The following DIPK1A variants were observed in gnomAD, a reference collection of about 807,000 sequenced individuals.
DIPK1A encodes the protein divergent protein kinase domain 1A.
Under a neutral mutation model 40.8 loss-of-function variants are expected in DIPK1A, and 27 were observed. The ratio of observed to expected loss-of-function variants is 0.66; its 90% CI spans 0.49 to 0.91. DIPK1A has a LOEUF of 0.91. DIPK1A is among the 40% of genes least tolerant of loss of function. The probability of loss-of-function intolerance (pLI) is 0.00; values close to 1 mark genes in which losing one functional copy is unlikely to be tolerated. For missense variants in DIPK1A, 412 were observed against 505.7 expected (o/e 0.81, Z 1.78); for synonymous variants, 166 against 171.3 (o/e 0.97, Z 0.24).
At chr1:92,860,646 A>AAAAAAAAGCCAGGGG (rs148916481) in intron 2 of DIPK1A, among the ~76,000 whole-genome samples, 1 of 105,212 alleles carries the variant, frequency 9.5e-6, no homozygotes, top group African/African-American at 3.7e-5. Context: ...AAAAAAAAAA[A>AAAAAAAAGCCAGGGG]TGGTGGTGTG....
intron 1 of DIPK1A, among the ~76,000 whole-genome samples, chr1:92,957,629 C>T (rs936408959): frequency 6.6e-6 from 1 of 152,046 alleles, no homozygotes; most frequent in Non-Finnish European, 1.5e-5. Flanking sequence ...GCTCCCTGCA[C>T]CAAAAAGCTG....
chr1:92,943,326 G>A (rs550611791), intron 1 of DIPK1A, among the ~76,000 whole-genome samples: 1 of 152,276 alleles, frequency 6.6e-6, no homozygotes, highest in South Asian at 2.1e-4. Flanking sequence ...CAACCTAAAA[G>A]GAGCTGGAAG....
chr1:92,918,693 G>A (rs1650150294), intron 1 of DIPK1A, among the ~76,000 whole-genome samples: 1 of 152,162 alleles, frequency 6.6e-6, no homozygotes. Context: ...TGCTTGGTAA[G>A]TGCTGTATCT....
chr1:92,880,800 G>A (rs183841682), intron 1 of DIPK1A, among the ~76,000 whole-genome samples: 157 of 152,204 alleles, frequency 1.0e-3, no homozygotes, highest in African/African-American at 3.6e-3. Context: ...AACTCGGGAG[G>A]CAGAGGTTGC....
chr1:92,839,231 C>T (rs1687252736), downstream of DIPK1A, among the ~76,000 whole-genome samples: 1 of 152,014 alleles, frequency 6.6e-6, no homozygotes, highest in Admixed American at 6.6e-5. Context: ...TGGTGGCTCA[C>T]TCCTGTAATC....
chr1:92,872,833 G>GT (rs1411466334), intron 2 of DIPK1A, among the ~76,000 whole-genome samples: 1 of 152,164 alleles, frequency 6.6e-6, no homozygotes, highest in African/African-American at 2.4e-5. Context: ...ACTCTAATCT[G>GT]TATCTTGTGA....
chr1:92,835,660 C>CA (rs11417383), intron 4 of DIPK1A, among the ~76,000 whole-genome samples: 98,791 of 123,318 alleles, frequency 0.8, 39,608 homozygotes, highest in South Asian at 0.9. Flanking sequence ...AACTGTGTCT[C>CA]AAAAAAAAAA....
chr1:92,932,638 T>C (rs930045679), intron 1 of DIPK1A: 2 of 152,118 alleles, frequency 1.3e-5, no homozygotes, highest in African/African-American at 4.8e-5. Flanking sequence ...TTTAGAAAAT[T>C]ATTTGTCAGA....
chr1:92,927,039 T>C (rs1650541609), intron 1 of DIPK1A, among the ~76,000 whole-genome samples: 1 of 152,190 alleles, frequency 6.6e-6, no homozygotes, highest in Admixed American at 6.5e-5. Context: ...ATTTGTCTCA[T>C]CTGTTTGCTG....
chr1:92,914,774 G>GAAAA (rs112356216), intron 1 of DIPK1A, among the ~76,000 whole-genome samples: 2 of 129,596 alleles, frequency 1.5e-5, no homozygotes, highest in Non-Finnish European at 3.3e-5. Flanking sequence ...GTCTCAAAAA[G>GAAAA]AAAAAAAAAA....
intron 2 of DIPK1A, among the ~76,000 whole-genome samples, chr1:92,853,619 T>C (rs1687891789): frequency 6.6e-6 from 1 of 152,206 alleles, no homozygotes; most frequent in Non-Finnish European, 1.5e-5. Flanking sequence ...GATTAAATAG[T>C]GTAAGTATAG....
At chr1:92,910,339 G>A (rs993497133) in intron 1 of DIPK1A, among the ~76,000 whole-genome samples, 15 of 152,158 alleles carry the variant, frequency 9.9e-5, no homozygotes, top group African/African-American at 3.1e-4. Context: ...TTAATTGTAC[G>A]TTGCCAGGAT....
intron 1 of DIPK1A, chr1:92,931,971 T>C (rs1650766069): frequency 2.5e-6 from 1 of 395,312 alleles, no homozygotes; most frequent in Admixed American, 3.1e-5. Flanking sequence ...AAGTACTTGC[T>C]AACAGATAGA....
chr1:92,913,769 GT>G (rs1188372479), intron 1 of DIPK1A, among the ~76,000 whole-genome samples: 1 of 152,120 alleles, frequency 6.6e-6, no homozygotes, highest in Non-Finnish European at 1.5e-5. Context: ...CTCTCTGCCT[GT>G]CTCCTCTGAT....
intron 1 of DIPK1A, among the ~76,000 whole-genome samples, chr1:92,959,992 G>T (rs553149882): frequency 2.9e-5 from 4 of 137,670 alleles, no homozygotes; most frequent in Admixed American, 1.6e-4. Context: ...CAGAGCTCAA[G>T]GAATCAGCCC....
intron 1 of DIPK1A, among the ~76,000 whole-genome samples, chr1:92,948,129 T>C (rs1651444657): frequency 6.6e-6 from 1 of 152,230 alleles, no homozygotes; most frequent in South Asian, 2.1e-4. Flanking sequence ...TCATTATACT[T>C]ACATGGAGAC....
chr1:92,903,076 A>G (rs1417484970), intron 1 of DIPK1A, among the ~76,000 whole-genome samples: 1 of 152,136 alleles, frequency 6.6e-6, no homozygotes, highest in African/African-American at 2.4e-5. Context: ...ATTTTTTGAA[A>G]CAGGATCTCA....
intron 1 of DIPK1A, among the ~76,000 whole-genome samples, chr1:92,951,418 T>C (rs1260350516): frequency 6.6e-6 from 1 of 152,176 alleles, no homozygotes; most frequent in Non-Finnish European, 1.5e-5. Context: ...GGAAAGAATC[T>C]GGAAGCCGAA....
At chr1:92,869,002 T>G (rs1391961623) in intron 2 of DIPK1A, among the ~76,000 whole-genome samples, 1 of 151,622 alleles carries the variant, frequency 6.6e-6, no homozygotes, top group African/African-American at 2.4e-5. Context: ...TCTATCTTGC[T>G]TACCACAATA....
Sources: gnomAD v4.1 joint callset for allele counts (sites outside exome capture counted in the v4.1 genomes callset) on GRCh38, gnomAD v4.1.1 for gene constraint, MANE v1.5 for transcripts, NCBI Gene and HGNC (gene_info 2026-07-23, HGNC 2026-07-21) for gene names.